ARHGAP22: variants seen among roughly 807,000 people sequenced by gnomAD.
ARHGAP22 encodes Rho GTPase activating protein 22, also known as rho GTPase-activating protein 22.
Under a neutral mutation model 59.1 loss-of-function variants are expected in ARHGAP22, and 48 were observed. That is an observed-to-expected ratio of 0.81 (90% CI 0.64 to 1.03). The LOEUF is 1.03. ARHGAP22 is among the 50% of genes least tolerant of loss of function. The pLI is 0.00. For synonymous variants in ARHGAP22, 445 were observed against 416.4 expected (o/e 1.07, Z -0.84); for missense variants, 1,015 against 958.7 (o/e 1.06, Z -0.78).
the ARHGAP22 span, among the ~76,000 whole-genome samples, chr10:48,434,408 A>T: frequency 6.6e-6 from 1 of 152,134 alleles, no homozygotes; most frequent in Non-Finnish European, 1.5e-5. Flanking sequence ...TCAAATTTGA[A>T]TCATTTGAAT....
intron 3 of ARHGAP22, among the ~76,000 whole-genome samples, chr10:48,497,597 G>A (rs1482431705): frequency 1.3e-5 from 2 of 152,144 alleles, no homozygotes; most frequent in African/African-American, 4.8e-5. Context: ...GAGCAGTCTG[G>A]GGAGGAAGGA....
intron 1 of ARHGAP22, among the ~76,000 whole-genome samples, chr10:48,626,110 G>A (rs752802722): frequency 3.9e-4 from 59 of 152,146 alleles, no homozygotes; most frequent in Non-Finnish European, 2.4e-4. Context: ...GCCCAGCAGC[G>A]TGGATACTAG....
At position 48,596,341 on chromosome 10, in the gene ARHGAP22, C is replaced by T. The variant is rs148210776; in HGVS notation, c.34+8422G>A. ...CACACACCTGCCCTGGCAGAGCTAA[C>T]GGGGGACAGATGCCCCAACACCAGA... is the stretch of plus-strand genomic sequence containing the variant. On this transcript the variant is annotated intron_variant, in intron 1 of 9. Coordinates refer to ENST00000249601, the MANE Select transcript of ARHGAP22 (RefSeq NM_021226.4). 4.6e-5 allele frequency among the ~76,000 whole-genome samples: 7 copies of T among 152,202 alleles called. No individual in the cohort carries two copies. In the East Asian group the frequency reaches 5.8e-4, roughly 13 times the overall value.
chr10:48,443,009 G>A (rs10857566), downstream of ARHGAP22, among the ~76,000 whole-genome samples: 75,919 of 151,944 alleles, frequency 0.5, 19,611 homozygotes, highest in Middle Eastern at 0.72. Context: ...GCGGGCTCTG[G>A]AGTCTTTGCT....
chr10:48,540,276 G>C (rs530051773), intron 3 of ARHGAP22, among the ~76,000 whole-genome samples: 16 of 152,368 alleles, frequency 1.1e-4, no homozygotes, highest in African/African-American at 3.8e-4. Flanking sequence ...TGCTCTTGCT[G>C]CCCAGGCTGG....
chr10:48,616,154 G>A (rs1431012626), intron 1 of ARHGAP22, among the ~76,000 whole-genome samples: 1 of 152,130 alleles, frequency 6.6e-6, no homozygotes, highest in Non-Finnish European at 1.5e-5. Context: ...CTATTTTCCA[G>A]TAGTATGTGC....
chr10:48,564,527 A>G (rs962179743), intron 2 of ARHGAP22, among the ~76,000 whole-genome samples: 1 of 152,166 alleles, frequency 6.6e-6, no homozygotes, highest in Non-Finnish European at 1.5e-5. Context: ...TTTGCCCTAT[A>G]ATGTTTGCAT....
intron 4 of ARHGAP22, among the ~76,000 whole-genome samples, chr10:48,469,093 CAT>C (rs1301651409): frequency 6.6e-6 from 1 of 152,238 alleles, no homozygotes; most frequent in East Asian, 1.9e-4. Context: ...CTGCTGCCCA[CAT>C]GTTTTCTCTG....
intron 2 of ARHGAP22, among the ~76,000 whole-genome samples, chr10:48,568,211 C>T (rs183662482): frequency 1.4e-3 from 213 of 152,284 alleles, no homozygotes; most frequent in African/African-American, 4.7e-3. Context: ...CCGTGTAGTA[C>T]GCACTTCCTG....
intron 2 of ARHGAP22, among the ~76,000 whole-genome samples, chr10:48,556,941 G>A (rs1351025559): frequency 6.6e-6 from 1 of 152,198 alleles, no homozygotes; most frequent in East Asian, 1.9e-4. Context: ...CTTTCACAGG[G>A]TGATGGGAGC....
At chr10:48,654,824 T>TCC (rs1255449939), upstream of ARHGAP22, among the ~76,000 whole-genome samples, 1,122 of 64,242 alleles carry the variant, frequency 0.017, 4 homozygotes, top group East Asian at 0.052. Flanking sequence ...CTTTCTTTCT[T>TCC]TCTTCCTTCC....
At position 48,604,934 on chromosome 10, in the gene ARHGAP22, C is replaced by G. The variant is rs1382698448; in HGVS notation, c.-138G>C. On this transcript the variant is annotated 5_prime_UTR_variant, in exon 1 of 10. Transcript: ENST00000249601. ...GGCCGCTGGCGTCACCCGTCAGGCT[C>G]CCTCGGCTACCTCTCCTGGCTCCGG... is the stretch of plus-strand genomic sequence containing the variant. The G allele has an allele frequency of 6.5e-7, 1 of 1,547,850 alleles. No individual in the cohort carries two copies. The highest frequency in any genetic ancestry group is 2.4e-5 in the East Asian group (1 of 41,398).
intron 3 of ARHGAP22, among the ~76,000 whole-genome samples, chr10:48,501,539 T>A (rs1332855827): frequency 6.6e-6 from 1 of 152,200 alleles, no homozygotes; most frequent in East Asian, 1.9e-4. Flanking sequence ...GAGCTGTTGC[T>A]AGAAGTAGAT....
Position 48,450,929 on chromosome 10 carries a change from G to A in ARHGAP22, c.1200C>T (p.Ala400=), listed in dbSNP as rs780762757. 8 of 1,591,110 alleles carry A rather than the reference G, an allele frequency of 5.0e-6. No homozygotes were observed. The African/African-American group carries it at 1.1e-4, about 21-fold the overall frequency. ...AHRTSSLDGA[A]VAVLSRTAPT... Reference sequence around the variant, plus strand: ...GGGCTGTTCTGGAGAGCACCGCCACGGCCGCCCCGTCCAGGGAAGAGGTCC... The same window carrying A: ...GGGCTGTTCTGGAGAGCACCGCCACAGCCGCCCCGTCCAGGGAAGAGGTCC... The change falls in exon 9 of 10, where the codon GCC becomes GCT. Residue 400 remains alanine, a synonymous_variant. Coordinates refer to ENST00000249601, the MANE Select transcript of ARHGAP22 (RefSeq NM_021226.4).
intron 1 of ARHGAP22, among the ~76,000 whole-genome samples, chr10:48,613,719 G>A (rs1448355642): frequency 1.3e-5 from 2 of 151,866 alleles, no homozygotes; most frequent in African/African-American, 4.8e-5. Context: ...ACCAAACTAT[G>A]AGAACCTCCA....
the ARHGAP22 span, chr10:48,436,730 T>C: frequency 4.6e-5 from 7 of 152,262 alleles, no homozygotes; most frequent in Non-Finnish European, 7.3e-5. Context: ...AGCTTTTTTA[T>C]ATACTTTGAA....
intron 4 of ARHGAP22, among the ~76,000 whole-genome samples, chr10:48,476,062 G>A (rs1018370756): frequency 4.6e-5 from 7 of 152,164 alleles, no homozygotes; most frequent in East Asian, 3.9e-4. Context: ...TCCCCACTGT[G>A]CCCACCATCT....
chr10:48,459,647 A>ACAAATGGCTCCACCTT, intron 5 of ARHGAP22, 37 bp downstream of exon 5: 1 of 1,609,480 alleles, frequency 6.2e-7, no homozygotes, highest in South Asian at 1.1e-5. Flanking sequence ...GGAGGAATGG[A>ACAAATGGCTCCACCTT]CAAATGGCTC....
At chr10:48,567,644 A>C (rs977345504) in intron 2 of ARHGAP22, among the ~76,000 whole-genome samples, 1 of 152,142 alleles carries the variant, frequency 6.6e-6, no homozygotes, top group Non-Finnish European at 1.5e-5. Context: ...GGTTGGGGCC[A>C]TGGTATGGGG....
Sources: allele counts gnomAD v4.1 joint callset (sites outside exome capture counted in the v4.1 genomes callset), GRCh38; gene constraint gnomAD v4.1.1; transcripts MANE v1.5; gene names NCBI Gene and HGNC (gene_info 2026-07-23, HGNC 2026-07-21).